TCF4: variants seen among roughly 807,000 people sequenced by gnomAD.
TCF4 encodes the protein transcription factor 4.
A neutral mutation model predicts 82.1 loss-of-function variants in TCF4; 3 were observed. The observed-to-expected ratio is 0.04, with a 90% CI of 0.02 to 0.09. The LOEUF (loss-of-function observed/expected upper bound fraction) is 0.09. Ranked by LOEUF, TCF4 falls within the 10% of genes least tolerant of loss-of-function variation. The pLI is 1.00. For synonymous variants in TCF4, 276 were observed against 309.6 expected (o/e 0.89, Z 1.14); for missense variants, 518 against 852.7 (o/e 0.61, Z 4.89).
chr18:55,560,031 A>G (rs887638269), intron 3 of TCF4, among the ~76,000 whole-genome samples: 1 of 152,214 alleles, frequency 6.6e-6, no homozygotes, highest in Non-Finnish European at 1.5e-5. Context: ...TCCCCACTGA[A>G]TATTAGAAGC....
chr18:55,401,828 C>G (rs2093837458), intron 6 of TCF4: 6 of 974,118 alleles, frequency 6.2e-6, no homozygotes, highest in Non-Finnish European at 7.3e-6. Context: ...TCTCAATGAC[C>G]AGAAAAAGGG....
intron 5 of TCF4, among the ~76,000 whole-genome samples, chr18:55,428,199 C>T (rs1328634480): frequency 6.6e-6 from 1 of 151,956 alleles, no homozygotes; most frequent in African/African-American, 2.4e-5. Context: ...AAAGACACAC[C>T]CATCCCCTCC....
intron 5 of TCF4, among the ~76,000 whole-genome samples, chr18:55,412,349 G>C (rs945924439): frequency 1.2e-4 from 17 of 141,046 alleles, no homozygotes; most frequent in Non-Finnish European, 2.3e-4. Flanking sequence ...AATGAAGGCT[G>C]TTTTTTTTTT....
chr18:55,247,840 T>C (rs1290329619), intron 15 of TCF4, among the ~76,000 whole-genome samples: 2 of 152,214 alleles, frequency 1.3e-5, no homozygotes, highest in African/African-American at 2.4e-5. Flanking sequence ...ACTTGATTTG[T>C]GGGCAATTCT....
At chr18:55,382,829 T>C (rs900455864) in intron 6 of TCF4, among the ~76,000 whole-genome samples, 3 of 152,234 alleles carry the variant, frequency 2.0e-5, no homozygotes, top group Non-Finnish European at 2.9e-5. Flanking sequence ...ATATTTGTGA[T>C]ATGGCTAAAG....
At chr18:55,318,250 G>A (rs1200729421) in intron 8 of TCF4, among the ~76,000 whole-genome samples, 1 of 152,054 alleles carries the variant, frequency 6.6e-6, no homozygotes. Context: ...GAACATGCAA[G>A]AAGCCATAAA....
chr18:55,392,777 A>G (rs1171460962), intron 6 of TCF4, among the ~76,000 whole-genome samples: 1 of 152,168 alleles, frequency 6.6e-6, no homozygotes, highest in Non-Finnish European at 1.5e-5. Context: ...TTTCATATAT[A>G]TAGACATACA....
At chr18:55,236,584 T>A (rs1029634516) in intron 15 of TCF4, among the ~76,000 whole-genome samples, 3 of 152,120 alleles carry the variant, frequency 2.0e-5, no homozygotes. Flanking sequence ...CTCACTCTCT[T>A]ATATATTTTA....
intron 6 of TCF4, chr18:55,401,583 G>T: frequency 1.0e-6 from 1 of 986,162 alleles, no homozygotes; most frequent in Non-Finnish European, 1.2e-6. Flanking sequence ...TTCTCACCTT[G>T]TGTTTGGAAA....
At chr18:55,422,348 G>A (rs1349504648) in intron 5 of TCF4, 1 of 984,710 alleles carries the variant, frequency 1.0e-6, no homozygotes, top group Admixed American at 6.2e-5. Flanking sequence ...GTCCTAACAT[G>A]TTTTACTATG....
chr18:55,520,357 T>C (rs1234356391), intron 3 of TCF4, among the ~76,000 whole-genome samples: 1 of 152,184 alleles, frequency 6.6e-6, no homozygotes, highest in Non-Finnish European at 1.5e-5. Flanking sequence ...TATATAAATA[T>C]AGATATGTAT....
chr18:55,339,194 G>T (rs1474438826), intron 8 of TCF4, among the ~76,000 whole-genome samples: 1 of 152,058 alleles, frequency 6.6e-6, no homozygotes, highest in Non-Finnish European at 1.5e-5. Flanking sequence ...GAATGCCAAA[G>T]TAGTATTAAA....
Position 55,444,320 on chromosome 18 carries a change from G to A in TCF4, c.304+16699C>T, listed in dbSNP as rs7226738. 3.1e-3 allele frequency among the ~76,000 whole-genome samples: 478 copies of A among 152,236 alleles called. 3 individuals are homozygous for A. Among genetic ancestry groups the A allele is most frequent in the African/African-American group, 0.011 (448 of 41,556 alleles). ...TAGACTGCATTAACACTAAAAATGA[G>A]AGCAGATCCACTATTGATCAAACCA... On this transcript the variant is annotated intron_variant, in intron 5 of 19. Coordinates refer to ENST00000354452, the MANE Select transcript of TCF4 (RefSeq NM_001083962.2).
At chr18:55,558,940 C>T (rs2097330188) in intron 3 of TCF4, among the ~76,000 whole-genome samples, 1 of 150,894 alleles carries the variant, frequency 6.6e-6, no homozygotes, top group Non-Finnish European at 1.5e-5. Flanking sequence ...AAAAAGCATA[C>T]ATTTTGAGAA....
chr18:55,425,874 G>C (rs900455364), intron 5 of TCF4, among the ~76,000 whole-genome samples: 1 of 152,112 alleles, frequency 6.6e-6, no homozygotes, highest in Non-Finnish European at 1.5e-5. Flanking sequence ...GCTCAGCTTT[G>C]CTGGGTGGCT....
chr18:55,441,373 T>C (rs966733279), intron 5 of TCF4, among the ~76,000 whole-genome samples: 1 of 152,228 alleles, frequency 6.6e-6, no homozygotes, highest in African/African-American at 2.4e-5. Flanking sequence ...TAATGATAAA[T>C]AGTTTAAGCT....
intron 5 of TCF4, among the ~76,000 whole-genome samples, chr18:55,452,319 T>C (rs759336504): frequency 3.9e-5 from 6 of 152,296 alleles, no homozygotes. Flanking sequence ...ACAACTGCAA[T>C]TGTGTACATA....
chr18:55,536,498 A>G (rs1191724174), intron 3 of TCF4, among the ~76,000 whole-genome samples: 1 of 152,230 alleles, frequency 6.6e-6, no homozygotes, highest in African/African-American at 2.4e-5. Context: ...TACTTTCAGA[A>G]CTTGGTGACT....
chr18:55,251,361 A>T (rs1286312981), intron 15 of TCF4, among the ~76,000 whole-genome samples: 1 of 152,202 alleles, frequency 6.6e-6, no homozygotes, highest in Non-Finnish European at 1.5e-5. Context: ...TACTTAGTAA[A>T]TCACTGAAGA....
Sources: gnomAD v4.1 joint callset for allele counts (sites outside exome capture counted in the v4.1 genomes callset) on GRCh38, gnomAD v4.1.1 for gene constraint, MANE v1.5 for transcripts, NCBI Gene and HGNC (gene_info 2026-07-23, HGNC 2026-07-21) for gene names.